WWOX: variants seen among roughly 807,000 people sequenced by gnomAD.
The protein encoded by WWOX is WW domain-containing oxidoreductase.
In WWOX, 69 loss-of-function variants were observed where a neutral mutation model predicts 46.2. The ratio of observed to expected loss-of-function variants is 1.49; its 90% CI spans 1.23 to 1.82. The LOEUF is 1.82. Ranked by LOEUF, WWOX falls within the 40% of genes most tolerant of loss-of-function variation. The pLI, the probability that WWOX is intolerant of heterozygous loss-of-function variation, is 0.00. For synonymous variants in WWOX, 359 were observed against 202.6 expected (o/e 1.77, Z -6.56); for missense variants, 919 against 542.6 (o/e 1.69, Z -6.89).
chr16:78,747,061 C>A (rs752678599), intron 8 of WWOX, among the ~76,000 whole-genome samples: 2 of 152,114 alleles, frequency 1.3e-5, no homozygotes, highest in African/African-American at 4.8e-5. Context: ...CCAATGTCCT[C>A]CCAATATCCT....
intron 8 of WWOX, chr16:79,204,782 A>G (rs886954269): frequency 6.6e-6 from 1 of 152,022 alleles, no homozygotes; most frequent in Non-Finnish European, 1.5e-5. Flanking sequence ...CTGGCTGCCT[A>G]TTTTTCTCTA....
chr16:78,592,829 A>G (rs2045382552), intron 8 of WWOX, among the ~76,000 whole-genome samples: 1 of 152,190 alleles, frequency 6.6e-6, no homozygotes, highest in Non-Finnish European at 1.5e-5. Flanking sequence ...CTGCTTTGTG[A>G]CATTGCTTCT....
intron 8 of WWOX, among the ~76,000 whole-genome samples, chr16:78,919,004 C>G (rs78646769): frequency 6.6e-6 from 1 of 152,230 alleles, no homozygotes; most frequent in East Asian, 1.9e-4. Context: ...GAAATACAGT[C>G]GTGGTGTCAG....
intron 8 of WWOX, among the ~76,000 whole-genome samples, chr16:79,057,735 G>T (rs1416855546): frequency 6.6e-6 from 1 of 152,130 alleles, no homozygotes; most frequent in Non-Finnish European, 1.5e-5. Flanking sequence ...GAATAGGCAA[G>T]GTAGAAGACA....
At chr16:78,365,876 C>T (rs1029603179) in intron 5 of WWOX, among the ~76,000 whole-genome samples, 2 of 152,150 alleles carry the variant, frequency 1.3e-5, no homozygotes, top group Admixed American at 1.3e-4. Flanking sequence ...CCTTTCCTTA[C>T]AGAAACATTA....
chr16:78,307,675 T>G (rs1185832350), intron 5 of WWOX, among the ~76,000 whole-genome samples: 5 of 152,198 alleles, frequency 3.3e-5, no homozygotes, highest in African/African-American at 1.2e-4. Flanking sequence ...AGACCTAAGA[T>G]CATGGTTATT....
chr16:78,642,977 T>A (rs1383522491), intron 8 of WWOX, among the ~76,000 whole-genome samples: 3 of 152,272 alleles, frequency 2.0e-5, no homozygotes, highest in South Asian at 4.1e-4. Flanking sequence ...TCTCTAAGGA[T>A]TAAATCAGTT....
intron 8 of WWOX, among the ~76,000 whole-genome samples, chr16:78,802,278 G>C (rs915374841): frequency 5.2e-5 from 7 of 133,686 alleles, no homozygotes; most frequent in African/African-American, 2.0e-4. Context: ...TCTGTGTTAA[G>C]ATATTTAACG....
intron 8 of WWOX, among the ~76,000 whole-genome samples, chr16:78,955,520 C>G (rs1278732567): frequency 6.6e-6 from 1 of 152,148 alleles, no homozygotes; most frequent in African/African-American, 2.4e-5. Flanking sequence ...TGTAAGCACA[C>G]CAGGCTGCAG....
At chr16:78,854,004 AAAAAT>A (rs2052511478) in intron 8 of WWOX, among the ~76,000 whole-genome samples, 1 of 152,244 alleles carries the variant, frequency 6.6e-6, no homozygotes, top group African/African-American at 2.4e-5. Context: ...AGAGGAAATG[AAAAAT>A]AAAATTGTCT....
intron 5 of WWOX, among the ~76,000 whole-genome samples, chr16:78,195,140 C>A (rs1328268034): frequency 1.3e-5 from 2 of 152,200 alleles, no homozygotes; most frequent in South Asian, 4.1e-4. Flanking sequence ...TTGGTGCCTG[C>A]TGGTACTTCA....
chr16:78,488,816 C>A (rs1258246568), intron 8 of WWOX, among the ~76,000 whole-genome samples: 1 of 152,154 alleles, frequency 6.6e-6, no homozygotes, highest in East Asian at 1.9e-4. Flanking sequence ...ATCATTATGG[C>A]AGATCAGTGG....
At chr16:78,432,953 G>A (rs757485175) in intron 8 of WWOX, among the ~76,000 whole-genome samples, 13 of 152,148 alleles carry the variant, frequency 8.5e-5, no homozygotes, top group African/African-American at 1.4e-4. Context: ...GGAGGGCTGG[G>A]TAGAAGATGT....
intron 8 of WWOX, among the ~76,000 whole-genome samples, chr16:78,633,307 A>G (rs569636054): frequency 1.2e-4 from 19 of 152,274 alleles, no homozygotes; most frequent in Non-Finnish European, 1.9e-4. Context: ...ATTGCAGAGC[A>G]TAAGTATCTT....
intron 8 of WWOX, among the ~76,000 whole-genome samples, chr16:78,984,336 C>T (rs60617787): frequency 0.014 from 2,138 of 152,244 alleles, 58 homozygotes; most frequent in African/African-American, 0.048. Flanking sequence ...AAAGCACTCT[C>T]TAGGTCAAGA....
At chr16:79,112,658 A>C (rs953453793) in intron 8 of WWOX, among the ~76,000 whole-genome samples, 6 of 152,256 alleles carry the variant, frequency 3.9e-5, no homozygotes, top group African/African-American at 1.4e-4. Context: ...CACTCGCATG[A>C]ATGTTTGCAC....
chr16:78,507,371 G>A (rs577956402), intron 8 of WWOX, among the ~76,000 whole-genome samples: 1 of 152,196 alleles, frequency 6.6e-6, no homozygotes, highest in Non-Finnish European at 1.5e-5. Flanking sequence ...AAAATAAAAA[G>A]TCAAAAGGAA....
At chr16:78,631,205 A>C (rs1438508538) in intron 8 of WWOX, among the ~76,000 whole-genome samples, 3 of 152,186 alleles carry the variant, frequency 2.0e-5, no homozygotes, top group African/African-American at 4.8e-5. Context: ...ACTGAGGGAC[A>C]ACTGTACAAA....
intron 8 of WWOX, among the ~76,000 whole-genome samples, chr16:79,026,703 C>T (rs756266569): frequency 2.7e-5 from 4 of 148,994 alleles, no homozygotes; most frequent in Admixed American, 1.3e-4. Context: ...CTGCAACCTC[C>T]GCCTCCCGGG....
Sources: gnomAD v4.1 joint callset for allele counts (sites outside exome capture counted in the v4.1 genomes callset) on GRCh38, gnomAD v4.1.1 for gene constraint, MANE v1.5 for transcripts, NCBI Gene and HGNC (gene_info 2026-07-23, HGNC 2026-07-21) for gene names.